Variants in STAT3 observed in about 807,000 individuals in gnomAD.
STAT3 encodes DNA-binding protein APRF.
In STAT3, 7 loss-of-function variants were observed where a neutral mutation model predicts 114.3. The observed-to-expected ratio is 0.06, with a 90% confidence interval of 0.03 to 0.11. The LOEUF (loss-of-function observed/expected upper bound fraction) is 0.11. STAT3 is among the 10% of genes least tolerant of loss of function. STAT3 has a pLI of 1.00. For synonymous variants in STAT3, 331 were observed against 354.5 expected (o/e 0.93, Z 0.74); for missense variants, 364 against 960.9 (o/e 0.38, Z 8.21).
intron 4 of STAT3, among the ~76,000 whole-genome samples, chr17:42,342,213 T>G (rs2082470633): frequency 6.6e-6 from 1 of 152,172 alleles, no homozygotes. Context: ...CCGGACACAG[T>G]GGCTTATGCC....
rs761693018 is a variant in STAT3 at position 42,339,352 on chromosome 17, G to A, written c.430C>T (p.Leu144=). 1 of 1,614,060 alleles carries A rather than the reference G, an allele frequency of 6.2e-7. No individual in the cohort carries two copies. The highest frequency in any genetic ancestry group is 1.1e-5 in the South Asian group (1 of 91,080). The change falls in exon 5 of 24, where the codon CTG becomes TTG. Residue 144 remains leucine (L), a synonymous_variant. Coordinates refer to ENST00000264657, the MANE Select transcript of STAT3 (RefSeq NM_139276.3). ...CGGACATCCTGAAGGTGCTGCTCCAGCATCTGCTGCTTCTCCGTCACCACG... is the reference window on the plus strand; with the variant it reads ...CGGACATCCTGAAGGTGCTGCTCCAACATCTGCTGCTTCTCCGTCACCACG... ...AAVVTEKQQM[L]EQHLQDVRKR...
chr17:42,388,220 G>A, intron 1 of STAT3, 59 bp downstream of exon 1: 1 of 1,230,544 alleles, frequency 8.1e-7, no homozygotes, highest in Non-Finnish European at 1.0e-6. Context: ...GCCCCCTGCC[G>A]CTGCGGAGCC....
At chr17:42,380,625 G>C (rs1177813667) in intron 1 of STAT3, among the ~76,000 whole-genome samples, 3 of 150,602 alleles carry the variant, frequency 2.0e-5, no homozygotes, top group Non-Finnish European at 4.4e-5. Flanking sequence ...CTGACCTCAG[G>C]TGATCCACCC....
In STAT3 at chr17:42,331,473, T is replaced by C; in HGVS notation, c.1108A>G (p.Lys370Glu). Residue 370 changes from lysine to glutamate, a missense_variant and splice_region_variant, in exon 11 of 24, where the codon AAA (lysine) becomes GAA (glutamate). By Grantham distance (56) the Lys-to-Glu change is moderately conservative. This residue lies in a region of STAT3 where 294 missense variants were observed against 745.1 expected (regional missense o/e 0.39). Transcript: ENST00000264657. ...YQLKIKVCID[K>E]DSGDVAALRG... The stretch of plus-strand genomic sequence containing the variant: ...CAGAGCTAAGATAGGAGTACTTACT[T>C]GTCAATGCACACTTTAATTTTAAGC... 1 of 1,613,380 alleles carries C rather than the reference T, an allele frequency of 6.2e-7. No homozygotes were observed. The highest frequency in any genetic ancestry group is 8.5e-7 in the Non-Finnish European group (1 of 1,179,392).
At chr17:42,383,152 G>T (rs2084896634) in intron 1 of STAT3, among the ~76,000 whole-genome samples, 2 of 150,884 alleles carry the variant, frequency 1.3e-5, no homozygotes. Flanking sequence ...CACCTCCCAG[G>T]TTCAAGCAAT....
chr17:42,357,459 G>A (rs1222543733), intron 1 of STAT3, among the ~76,000 whole-genome samples: 1 of 152,016 alleles, frequency 6.6e-6, no homozygotes, highest in Non-Finnish European at 1.5e-5. Context: ...GTCACCTGAG[G>A]TCAGGAGTTC....
rs2082323145 is a variant in STAT3 at position 42,338,825 on chromosome 17, A to G, written c.469-13T>C. The G allele has an allele frequency of 1.9e-6, 3 of 1,603,236 alleles. No individual in the cohort carries two copies. In the African/African-American group the frequency reaches 4.0e-5, roughly 21 times the overall value. The stretch of plus-strand genomic sequence containing the variant: ...TCTGTTCTAGATCCTGTTTAAAATA[A>G]GCAAACAAAAAAACAGAAGTAAAGA... On this transcript the variant is annotated splice_polypyrimidine_tract_variant and intron_variant, in intron 5 of 23. Transcript: ENST00000264657.
At chr17:42,349,978 C>T (rs566818047) in intron 1 of STAT3, among the ~76,000 whole-genome samples, 15 of 152,076 alleles carry the variant, frequency 9.9e-5, no homozygotes, top group Non-Finnish European at 2.1e-4. Flanking sequence ...ATTGCTTGAA[C>T]CTGGAAGGCA....
rs747062308 is a variant in STAT3 at position 42,329,674 on chromosome 17, T to C, written c.1140-27A>G. On this transcript the variant is annotated intron_variant, in intron 12 of 23. Coordinates refer to ENST00000264657, the MANE Select transcript of STAT3 (RefSeq NM_139276.3). ...TGAATCACAGGGGAACAATCAACTA[T>C]GTAGGTGACCAAGTAGCCGGAGGAT... 18 of 1,613,954 alleles carry C rather than the reference T, an allele frequency of 1.1e-5. No individual in the cohort carries two copies. In the African/African-American group the frequency reaches 2.3e-4, roughly 20 times the overall value.
Position 42,337,619 on chromosome 17 carries a change from T to C in STAT3, c.646-33A>G, listed in dbSNP as rs1329474444. Reference sequence around the variant, plus strand: ...GAAACCAAAACAAAGTCAGAAAACATTTCCTCAGACTGTCTCTAACCACAT... The same window carrying C: ...GAAACCAAAACAAAGTCAGAAAACACTTCCTCAGACTGTCTCTAACCACAT... On this transcript the variant is annotated intron_variant, in intron 7 of 23. Coordinates refer to ENST00000264657, the MANE Select transcript of STAT3 (RefSeq NM_139276.3). This position sits in a 1 kb window ranked among gnomAD's most constrained non-coding sequence, Gnocchi z 4.0. 2 of 1,614,186 alleles carry C rather than the reference T, an allele frequency of 1.2e-6. No homozygotes were observed. Among genetic ancestry groups the C allele is most frequent in the East Asian group, 2.2e-5 (1 of 44,886 alleles).
intron 1 of STAT3, chr17:42,387,310 C>T (rs2085158116): frequency 6.6e-6 from 1 of 152,202 alleles, no homozygotes; most frequent in South Asian, 2.1e-4. Flanking sequence ...CAACCACACC[C>T]CCCAAATGCA....
intron 1 of STAT3, among the ~76,000 whole-genome samples, chr17:42,379,323 A>G (rs2084647675): frequency 1.3e-5 from 2 of 152,186 alleles, no homozygotes; most frequent in South Asian, 4.1e-4. Flanking sequence ...ATGGGGTGAG[A>G]GAACCTGTTT....
At chr17:42,384,128 A>ATTTTTT (rs201020826) in intron 1 of STAT3, among the ~76,000 whole-genome samples, 1 of 86,394 alleles carries the variant, frequency 1.2e-5, no homozygotes, top group Non-Finnish European at 2.6e-5. Flanking sequence ...TTATTTATTT[A>ATTTTTT]TTTATTTTTT....
chr17:42,372,840 C>G (rs2084229840), intron 1 of STAT3, among the ~76,000 whole-genome samples: 1 of 151,436 alleles, frequency 6.6e-6, no homozygotes, highest in Non-Finnish European at 1.5e-5. Flanking sequence ...CAGTGAGACC[C>G]TACCTCTAAA....
At chr17:42,329,085 G>A (rs747568100) in intron 14 of STAT3, among the ~76,000 whole-genome samples, 31 of 152,204 alleles carry the variant, frequency 2.0e-4, no homozygotes, top group Non-Finnish European at 4.3e-4. Flanking sequence ...AGCCGCAGGA[G>A]CTGGATGGGG....
chr17:42,344,332 G>A (rs918337209), intron 4 of STAT3, among the ~76,000 whole-genome samples: 18 of 151,730 alleles, frequency 1.2e-4, no homozygotes, highest in Non-Finnish European at 2.5e-4. Flanking sequence ...TGAGGCAGGG[G>A]AATAGCTTGA....
At chr17:42,340,507 A>C (rs543443653) in intron 4 of STAT3, among the ~76,000 whole-genome samples, 41 of 142,616 alleles carry the variant, frequency 2.9e-4, no homozygotes, top group African/African-American at 1.0e-3. Context: ...CATCTCAACC[A>C]AAAAAAAAAA....
chr17:42,352,137 G>A (rs954790755), intron 1 of STAT3, among the ~76,000 whole-genome samples: 25 of 151,922 alleles, frequency 1.6e-4, no homozygotes, highest in Non-Finnish European at 3.1e-4. Flanking sequence ...TCAGGAGTTC[G>A]AGACCAGCCT....
At chr17:42,330,718 C>T (rs1178566508) in intron 11 of STAT3, among the ~76,000 whole-genome samples, 4 of 152,100 alleles carry the variant, frequency 2.6e-5, no homozygotes, top group African/African-American at 7.2e-5. Flanking sequence ...CATGAGCCAC[C>T]GCGCCCGGCC....
Sources: gnomAD v4.1 joint callset for allele counts (sites outside exome capture counted in the v4.1 genomes callset) on GRCh38, gnomAD v4.1.1 for gene constraint, gnomAD v4.1.1 regional missense constraint, Gnocchi (gnomAD v3.1) non-coding constraint, MANE v1.5 for transcripts, NCBI Gene and HGNC (gene_info 2026-07-23, HGNC 2026-07-21) for gene names.